The following NBEAL1 variants were observed in gnomAD, a reference collection of about 807,000 sequenced individuals.
NBEAL1 encodes neurobeachin-like protein 1.
In NBEAL1, 273 loss-of-function variants were observed where a neutral mutation model predicts 351.3. That is an observed-to-expected ratio of 0.78 (90% CI 0.70 to 0.86). NBEAL1 has a LOEUF of 0.86. Ranked by LOEUF, NBEAL1 falls within the 40% of genes least tolerant of loss-of-function variation. NBEAL1 has a pLI of 0.00. For missense variants in NBEAL1, 2,961 were observed against 3,201.3 expected, an observed-to-expected ratio of 0.92 and a Z score of 1.81; for synonymous variants, 1,050 against 1,086.4, an observed-to-expected ratio of 0.97 and a Z score of 0.66.
chr2:203,019,378 T>C (rs2060730860), intron 2 of NBEAL1, among the ~76,000 whole-genome samples: 1 of 152,218 alleles, frequency 6.6e-6, no homozygotes, highest in African/African-American at 2.4e-5. Flanking sequence ...ATATGTTTGA[T>C]TCTCTTTGTC....
intron 44 of NBEAL1, 100 bp from the exon 45 acceptor site, chr2:203,188,372 G>A (rs1483389249): frequency 1.7e-6 from 1 of 579,990 alleles, no homozygotes; most frequent in Non-Finnish European, 2.8e-6. Context: ...AGATTTGTGT[G>A]TGGAAATGTT....
chr2:203,173,531 G>A (rs555708942), intron 41 of NBEAL1, among the ~76,000 whole-genome samples: 1 of 152,040 alleles, frequency 6.6e-6, no homozygotes, highest in South Asian at 2.1e-4. Context: ...GAAAGTAGGT[G>A]GTACTTTTTT....
Position 203,220,126 on chromosome 2 carries a change from A to G in NBEAL1, c.*2772A>G, listed in dbSNP as rs1448463713. Among the ~76,000 whole-genome samples, 1 of 152,220 alleles carries G rather than the reference A, an allele frequency of 6.6e-6. No homozygotes were observed. Among genetic ancestry groups the G allele is most frequent in the Admixed American group, 6.6e-5 (1 of 15,264 alleles). Reference sequence around the variant, plus strand: ...TATAATGGGAGAAATGAACAGTATCATTGGAATGAAATAACAGGTGGACAT... The same window carrying G: ...TATAATGGGAGAAATGAACAGTATCGTTGGAATGAAATAACAGGTGGACAT... On this transcript the variant is annotated 3_prime_UTR_variant, in exon 56 of 56. Coordinates refer to ENST00000683969, the MANE Select transcript of NBEAL1 (RefSeq NM_001378026.1).
chr2:203,053,914 G>C (rs375384175), intron 4 of NBEAL1, among the ~76,000 whole-genome samples: 110 of 152,178 alleles, frequency 7.2e-4, no homozygotes, highest in African/African-American at 2.6e-3. Flanking sequence ...TTTTAATGAA[G>C]TTTGACTTAA....
At chr2:203,111,743 A>C (rs2062577422) in intron 15 of NBEAL1, among the ~76,000 whole-genome samples, 1 of 152,230 alleles carries the variant, frequency 6.6e-6, no homozygotes, top group Non-Finnish European at 1.5e-5. Context: ...GGAATACTAA[A>C]GCTTTGGAAA....
intron 31 of NBEAL1, among the ~76,000 whole-genome samples, chr2:203,141,363 A>AT (rs1468774275): frequency 1.3e-3 from 22 of 17,474 alleles, no homozygotes; most frequent in East Asian, 2.5e-3. Context: ...TATTATTATT[A>AT]TTATTTTTTT....
rs187599128 is a variant in NBEAL1, at chr2:203,221,094, C to T, written c.*3740C>T. On this transcript the variant is annotated 3_prime_UTR_variant, in exon 56 of 56. Transcript: ENST00000683969. ...TCTCAGAATTAGAATTCAGATTTGA[C>T]GGTTGAATCTTAAGACATTTTATAT... Among the ~76,000 whole-genome samples, 10 of 152,026 alleles carry T rather than the reference C, an allele frequency of 6.6e-5. No individual in the cohort carries two copies. The highest frequency in any genetic ancestry group is 3.4e-3 in the Middle Eastern group (1 of 294).
intron 55 of NBEAL1, among the ~76,000 whole-genome samples, chr2:203,215,191 A>G (rs1416428165): frequency 1.3e-5 from 2 of 152,124 alleles, no homozygotes; most frequent in East Asian, 1.9e-4. Flanking sequence ...CCCCGTCTCT[A>G]CTAAAAATAC....
At chr2:203,040,306 G>A in intron 2 of NBEAL1, 1 of 751,710 alleles carries the variant, frequency 1.3e-6, no homozygotes, top group Non-Finnish European at 2.4e-6. Context: ...ATGTGACAAG[G>A]TGCATCTCAG....
chr2:203,028,812 T>A (rs988148285), intron 2 of NBEAL1, among the ~76,000 whole-genome samples: 11 of 152,170 alleles, frequency 7.2e-5, no homozygotes, highest in South Asian at 6.2e-4. Context: ...GTTAATTTTT[T>A]AAAAATTTAT....
intron 44 of NBEAL1, among the ~76,000 whole-genome samples, chr2:203,187,178 C>T (rs947787829): frequency 1.3e-5 from 2 of 151,960 alleles, no homozygotes; most frequent in African/African-American, 4.8e-5. Context: ...GATCCTCCCA[C>T]CTCAGCCTCC....
intron 2 of NBEAL1, among the ~76,000 whole-genome samples, chr2:203,034,719 G>A (rs1184642292): frequency 1.3e-5 from 2 of 148,596 alleles, no homozygotes; most frequent in Admixed American, 6.8e-5. Context: ...CTCCCAAAGT[G>A]TTGGGATTAC....
At chr2:203,060,403 C>G (rs1160561302) in intron 6 of NBEAL1, among the ~76,000 whole-genome samples, 1 of 152,030 alleles carries the variant, frequency 6.6e-6, no homozygotes, top group Non-Finnish European at 1.5e-5. Context: ...ATAACCAAAA[C>G]TTGCCACATG....
At chr2:203,025,772 A>G (rs2060847296) in intron 2 of NBEAL1, among the ~76,000 whole-genome samples, 1 of 152,144 alleles carries the variant, frequency 6.6e-6, no homozygotes, top group Non-Finnish European at 1.5e-5. Flanking sequence ...CAGTTGGGCA[A>G]ATATTGCCTG....
intron 54 of NBEAL1, among the ~76,000 whole-genome samples, chr2:203,213,013 T>A (rs2065828823): frequency 6.6e-6 from 1 of 152,200 alleles, no homozygotes; most frequent in South Asian, 2.1e-4. Context: ...GGAAGAACAC[T>A]AAGGATAAAA....
intron 41 of NBEAL1, among the ~76,000 whole-genome samples, chr2:203,173,226 A>G (rs1212641510): frequency 6.6e-6 from 1 of 152,196 alleles, no homozygotes; most frequent in African/African-American, 2.4e-5. Flanking sequence ...TTGGGTAGAT[A>G]TACAACTTAT....
At chr2:203,202,170 C>G (rs2065418594) in intron 50 of NBEAL1, among the ~76,000 whole-genome samples, 1 of 151,884 alleles carries the variant, frequency 6.6e-6, no homozygotes, top group Non-Finnish European at 1.5e-5. Flanking sequence ...TTCTAATAAA[C>G]CTGTTAGGGA....
At chr2:203,141,813 G>A (rs1009352706) in intron 31 of NBEAL1, among the ~76,000 whole-genome samples, 6 of 152,100 alleles carry the variant, frequency 3.9e-5, no homozygotes, top group African/African-American at 2.4e-5. Flanking sequence ...GGCTAGAACA[G>A]GAACCTCTTT....
chr2:203,187,322 T>C (rs1356226812), intron 44 of NBEAL1, among the ~76,000 whole-genome samples: 2 of 148,942 alleles, frequency 1.3e-5, no homozygotes, highest in African/African-American at 4.9e-5. Flanking sequence ...CCTCCCAAAG[T>C]GCTGGGGTAA....
Sources: gnomAD v4.1 joint callset for allele counts (sites outside exome capture counted in the v4.1 genomes callset) on GRCh38, gnomAD v4.1.1 for gene constraint, MANE v1.5 for transcripts, NCBI Gene and HGNC (gene_info 2026-07-23, HGNC 2026-07-21) for gene names.